Variants in FAM118A observed in about 807,000 individuals in gnomAD.
FAM118A encodes protein FAM118A.
Under a neutral mutation model 38.2 loss-of-function variants are expected in FAM118A, and 25 were observed. The ratio of observed to expected loss-of-function variants is 0.65; its 90% CI spans 0.48 to 0.91. FAM118A has a LOEUF of 0.91. Ranked by LOEUF, FAM118A falls within the 40% of genes least tolerant of loss-of-function variation. The probability of loss-of-function intolerance (pLI) is 0.00; values close to 1 mark genes in which losing one functional copy is unlikely to be tolerated. For missense variants in FAM118A, 425 were observed against 463.3 expected, an observed-to-expected ratio of 0.92 and a Z score of 0.76; for synonymous variants, 178 against 184.1, an observed-to-expected ratio of 0.97 and a Z score of 0.27.
At chr22:45,319,606 A>G (rs2084761078) in intron 1 of FAM118A, among the ~76,000 whole-genome samples, 1 of 152,238 alleles carries the variant, frequency 6.6e-6, no homozygotes, top group African/African-American at 2.4e-5. Flanking sequence ...TATGGTTAAT[A>G]AAACTGAGGA....
chr22:45,322,862 A>G (rs7290139), intron 2 of FAM118A, among the ~76,000 whole-genome samples: 65,713 of 152,156 alleles, frequency 0.43, 17,560 homozygotes, highest in Non-Finnish European at 0.61. Flanking sequence ...GTTTGTATTC[A>G]TAACCTGTGT....
intron 3 of FAM118A, among the ~76,000 whole-genome samples, chr22:45,325,177 C>CT (rs1368566829): frequency 6.6e-6 from 1 of 152,168 alleles, no homozygotes; most frequent in East Asian, 1.9e-4. Context: ...CCTTGTTGTC[C>CT]TTCAGGTGAA....
chr22:45,334,461 G>A (rs189461793), intron 6 of FAM118A, among the ~76,000 whole-genome samples: 251 of 152,238 alleles, frequency 1.6e-3, no homozygotes, highest in Non-Finnish European at 2.9e-3. Flanking sequence ...TTTCAGAATT[G>A]CTAATAATTA....
Position 45,340,390 on chromosome 22 carries a change from T to C in FAM118A, c.1059T>C (p.Asp353=). 1 of 1,614,210 alleles carries C rather than the reference T, an allele frequency of 6.2e-7. No homozygotes were observed. Among genetic ancestry groups the C allele is most frequent in the Non-Finnish European group, 8.5e-7 (1 of 1,180,032 alleles). ...SKKRTQSDTD[D]AGGS ...TTCATTCTTTTATTTAAACAGATGA[T>C]GCTGGAGGGTCTTGAAATCTTTACA... The change falls in exon 9 of 9, where the codon GAT becomes GAC. Residue 353 remains aspartate, a synonymous_variant. Transcript: ENST00000441876.
chr22:45,314,272 C>T (rs962627476), intron 1 of FAM118A, among the ~76,000 whole-genome samples: 1 of 152,246 alleles, frequency 6.6e-6, no homozygotes, highest in South Asian at 2.1e-4. Flanking sequence ...AGGGGCTGGT[C>T]TTTTTCCTGG....
chr22:45,334,955 T>G, intron 6 of FAM118A: 1 of 187,250 alleles, frequency 5.3e-6, no homozygotes, highest in African/African-American at 2.3e-5. Flanking sequence ...CTTTCCAGGT[T>G]GGGGCAGGCA....
chr22:45,337,321 C>G (rs1244988388), intron 8 of FAM118A, among the ~76,000 whole-genome samples: 1 of 152,212 alleles, frequency 6.6e-6, no homozygotes, highest in East Asian at 1.9e-4. Flanking sequence ...GTGTTCTTTC[C>G]TGCTTAGCCA....
At position 45,322,357 on chromosome 22, in the gene FAM118A, A is replaced by T; in HGVS notation, c.-9-14A>T. 1.2e-6 allele frequency: 2 copies of T among 1,606,004 alleles called. No homozygotes were observed. The highest frequency in any genetic ancestry group is 1.7e-6 in the Non-Finnish European group (2 of 1,177,548). On this transcript the variant is annotated splice_polypyrimidine_tract_variant and intron_variant, in intron 1 of 8. Transcript: ENST00000441876. ...GGGAGACAGAAGTCACTTCTGACTA[A>T]TTTTTCTCTTTAGAATTCACAGATG...
intron 3 of FAM118A, among the ~76,000 whole-genome samples, 169 bp downstream of exon 3, chr22:45,323,596 T>C (rs1180546238): frequency 6.6e-6 from 1 of 152,124 alleles, no homozygotes; most frequent in Admixed American, 6.6e-5. Flanking sequence ...TCTTTTAAAA[T>C]TGAGGGGATG....
chr22:45,334,688 TA>T (rs1971077699), intron 6 of FAM118A, among the ~76,000 whole-genome samples: 2 of 152,322 alleles, frequency 1.3e-5, no homozygotes, highest in African/African-American at 4.8e-5. Flanking sequence ...CACAGGCACA[TA>T]ACGTGCCCAG....
chr22:45,330,729 A>C lies in FAM118A; in HGVS notation c.649A>C (p.Met217Leu), dbSNP rs778139853. Residue 217 changes from methionine (M) to leucine (L), a missense_variant and splice_region_variant, in exon 5 of 9, where the codon ATG becomes CTG. Met to Leu is a conservative substitution (Grantham distance 15, BLOSUM62 2). Coordinates refer to ENST00000441876, the MANE Select transcript of FAM118A (RefSeq NM_017911.4). ...AGACGTCACTCAAGACGCAGAAGTC[A>C]TGGTACGGCCCGTCCTAATTAGCAT... is the stretch of plus-strand genomic sequence containing the variant. ...YKDVTQDAEV[M>L]EVLQNLYRTK... 3 of 1,569,036 alleles carry C rather than the reference A, an allele frequency of 1.9e-6. No homozygotes were observed. In the African/African-American group the frequency reaches 4.1e-5, roughly 22 times the overall value.
At chr22:45,311,089 G>T (rs2084343403) in intron 1 of FAM118A, among the ~76,000 whole-genome samples, 1 of 152,142 alleles carries the variant, frequency 6.6e-6, no homozygotes, top group Non-Finnish European at 1.5e-5. Context: ...GGTGGGCATG[G>T]GATTCTGGGA....
At chr22:45,322,463 T>G (rs751729422) in intron 2 of FAM118A, 37 bp downstream of exon 2, 1 of 1,555,846 alleles carries the variant, frequency 6.4e-7, no homozygotes, top group South Asian at 1.2e-5. Context: ...GCAGCTTCAT[T>G]GACTTCATCT....
chr22:45,320,439 T>C (rs2084809280), intron 1 of FAM118A, among the ~76,000 whole-genome samples: 1 of 130,898 alleles, frequency 7.6e-6, no homozygotes, highest in South Asian at 2.3e-4. Flanking sequence ...TTCTTCTTCT[T>C]TTTTTTTTTC....
At chr22:45,323,050 T>TGTGC (rs755717789) in intron 2 of FAM118A, 125 bp from the exon 3 acceptor site, 202 of 951,446 alleles carry the variant, frequency 2.1e-4, no homozygotes, top group Non-Finnish European at 2.9e-4. Flanking sequence ...ACTGTGTGTG[T>TGTGC]GTGTGTGTGT....
At chr22:45,322,573 C>T (rs1487445924) in intron 2 of FAM118A, 147 bp downstream of exon 2, 2 of 732,130 alleles carry the variant, frequency 2.7e-6, no homozygotes, top group African/African-American at 3.5e-5. Flanking sequence ...GGCCATTTTC[C>T]ACCCTTGGCT....
rs1056058327 is a variant in FAM118A, at chr22:45,314,330, C to A, written c.-10+4147C>A. 8.6e-5 allele frequency among the ~76,000 whole-genome samples: 13 copies of A among 151,682 alleles called. No individual in the cohort carries two copies. In the East Asian group the frequency reaches 1.6e-3, roughly 18 times the overall value. Reference sequence around the variant, plus strand: ...TCTATCTGCCTAATGGCAACTCTTTCAACATTTCCGGGGAAGGAGAAACTG... The same window carrying A: ...TCTATCTGCCTAATGGCAACTCTTTAAACATTTCCGGGGAAGGAGAAACTG... On this transcript the variant is annotated intron_variant, in intron 1 of 8. Coordinates refer to ENST00000441876, the MANE Select transcript of FAM118A (RefSeq NM_017911.4).
chr22:45,328,588 T>C, intron 4 of FAM118A: 1 of 650,172 alleles, frequency 1.5e-6, no homozygotes. Context: ...GCTATGATCA[T>C]GCCACTTATT....
intron 8 of FAM118A, among the ~76,000 whole-genome samples, chr22:45,337,197 G>A (rs1287896559): frequency 6.6e-6 from 1 of 152,192 alleles, no homozygotes. Context: ...TGGCTTCCCC[G>A]TTTTGTCGGT....
Sources: gnomAD v4.1 joint callset for allele counts (sites outside exome capture counted in the v4.1 genomes callset) on GRCh38, gnomAD v4.1.1 for gene constraint, MANE v1.5 for transcripts, NCBI Gene and HGNC (gene_info 2026-07-23, HGNC 2026-07-21) for gene names.